Variants in SDHAF3 observed in about 807,000 individuals in gnomAD.
SDHAF3 encodes succinate dehydrogenase complex assembly factor 3.
SDHAF3 carries 18 observed loss-of-function variants against 11.5 expected under a neutral mutation model. The observed-to-expected ratio is 1.56, with a 90% CI of 1.08 to 2.32. SDHAF3 has a LOEUF of 2.32. Ranked by LOEUF, SDHAF3 falls within the 30% of genes most tolerant of loss-of-function variation. The pLI, the probability that SDHAF3 is intolerant of heterozygous loss-of-function variation, is 0.00. For missense variants in SDHAF3, 200 were observed against 154.4 expected (o/e 1.30, Z -1.57); for synonymous variants, 72 against 59.3 (o/e 1.21, Z -0.99).
In SDHAF3 at chr7:97,181,313, T is replaced by G; in HGVS notation, c.*98T>G. The G allele has an allele frequency of 1.2e-6, 1 of 831,358 alleles. No homozygotes were observed. Among genetic ancestry groups the G allele is most frequent in the Non-Finnish European group, 1.9e-6 (1 of 540,136 alleles). The allele number at this position is 831,358 out of a possible 1,614,324, so 51.5% of individuals were successfully genotyped here. A position where few individuals can be genotyped will look rare whatever the true frequency, so the allele number is the denominator to read the frequency against. On this transcript the variant is annotated 3_prime_UTR_variant, in exon 2 of 2. Transcript: ENST00000432641. Reference sequence around the variant, plus strand: ...TATATTTAAGCTTTGAAAACACCTGTTATTAATGAAATACTCTTTTATTTT... The same window carrying G: ...TATATTTAAGCTTTGAAAACACCTGGTATTAATGAAATACTCTTTTATTTT...
At chr7:97,179,819 ATAAG>A (rs1789743216) in intron 1 of SDHAF3, among the ~76,000 whole-genome samples, 1 of 152,128 alleles carries the variant, frequency 6.6e-6, no homozygotes, top group South Asian at 2.1e-4. Context: ...TTTCATCTTA[ATAAG>A]TGGATTTCTG....
At chr7:97,147,938 A>G (rs1215129707) in intron 1 of SDHAF3, among the ~76,000 whole-genome samples, 1 of 152,100 alleles carries the variant, frequency 6.6e-6, no homozygotes, top group African/African-American at 2.4e-5. Flanking sequence ...TTTTTGAGAC[A>G]GAGTCTTGCC....
At chr7:97,140,297 C>G (rs1464709267) in intron 1 of SDHAF3, among the ~76,000 whole-genome samples, 2 of 147,998 alleles carry the variant, frequency 1.4e-5, no homozygotes, top group Admixed American at 6.7e-5. Flanking sequence ...TAAGAAATCT[C>G]TATGTCTTAA....
At chr7:97,166,754 G>T (rs1229887674) in intron 1 of SDHAF3, among the ~76,000 whole-genome samples, 4 of 150,302 alleles carry the variant, frequency 2.7e-5, no homozygotes, top group South Asian at 2.1e-4. Flanking sequence ...GGCGGGGGGG[G>T]CTTAGAATTT....
intron 1 of SDHAF3, among the ~76,000 whole-genome samples, chr7:97,168,921 T>TG (rs1207249109): frequency 6.6e-6 from 1 of 152,230 alleles, no homozygotes; most frequent in African/African-American, 2.4e-5. Context: ...ATGTAGACTC[T>TG]GGGTAACGTG....
At chr7:97,134,688 C>G (rs1791721759) in intron 1 of SDHAF3, among the ~76,000 whole-genome samples, 1 of 152,176 alleles carries the variant, frequency 6.6e-6, no homozygotes, top group African/African-American at 2.4e-5. Context: ...CTCAGATGAC[C>G]CGTCTGCCTT....
intron 1 of SDHAF3, among the ~76,000 whole-genome samples, chr7:97,162,346 G>T (rs924201853): frequency 6.6e-6 from 1 of 152,072 alleles, no homozygotes; most frequent in Admixed American, 6.5e-5. Context: ...TGGCTTCATT[G>T]ATTTTTTTTG....
chr7:97,127,746 G>A (rs1459503923), intron 1 of SDHAF3, among the ~76,000 whole-genome samples: 1 of 152,102 alleles, frequency 6.6e-6, no homozygotes, highest in Admixed American at 6.6e-5. Context: ...TTTAGTGAAT[G>A]GATTGTATGT....
At chr7:97,126,176 C>T (rs1434363273) in intron 1 of SDHAF3, among the ~76,000 whole-genome samples, 1 of 152,212 alleles carries the variant, frequency 6.6e-6, no homozygotes, top group Non-Finnish European at 1.5e-5. Context: ...CTGGAAGCTT[C>T]GTCCCAGAGG....
At chr7:97,180,612 A>G (rs1789754181) in intron 1 of SDHAF3, among the ~76,000 whole-genome samples, 1 of 152,198 alleles carries the variant, frequency 6.6e-6, no homozygotes, top group Admixed American at 6.5e-5. Context: ...GGTTTAAAAT[A>G]AAAGTTGGGG....
intron 1 of SDHAF3, among the ~76,000 whole-genome samples, chr7:97,171,437 T>G (rs1318534419): frequency 6.6e-6 from 1 of 152,158 alleles, no homozygotes; most frequent in Non-Finnish European, 1.5e-5. Context: ...GAATTTATAA[T>G]TTTTGTAATT....
intron 1 of SDHAF3, among the ~76,000 whole-genome samples, chr7:97,121,240 G>T (rs1335281394): frequency 1.3e-5 from 2 of 152,170 alleles, no homozygotes; most frequent in Non-Finnish European, 2.9e-5. Flanking sequence ...GTTGTTTAAG[G>T]CTTTCTATTT....
chr7:97,125,631 T>G (rs2115622581), intron 1 of SDHAF3, among the ~76,000 whole-genome samples: 1 of 152,362 alleles, frequency 6.6e-6, no homozygotes, highest in African/African-American at 2.4e-5. Flanking sequence ...ATTTGGCTCT[T>G]GATACTTGTG....
chr7:97,149,994 G>A (rs559696082), intron 1 of SDHAF3, among the ~76,000 whole-genome samples: 62 of 152,306 alleles, frequency 4.1e-4, no homozygotes, highest in African/African-American at 1.4e-3. Context: ...CACTGTTCAC[G>A]CATCCTTGCC....
intron 1 of SDHAF3, among the ~76,000 whole-genome samples, chr7:97,126,334 C>T (rs1323584247): frequency 1.3e-5 from 2 of 152,222 alleles, no homozygotes; most frequent in South Asian, 2.1e-4. Context: ...CACCGTCCTG[C>T]GAAAGCCCTC....
At chr7:97,132,624 T>C (rs1049442431) in intron 1 of SDHAF3, among the ~76,000 whole-genome samples, 1 of 152,232 alleles carries the variant, frequency 6.6e-6, no homozygotes, top group African/African-American at 2.4e-5. Context: ...CTGTATTCCA[T>C]TTTAATTTTT....
chr7:97,180,000 C>CT (rs1789746093), intron 1 of SDHAF3, among the ~76,000 whole-genome samples: 1 of 152,176 alleles, frequency 6.6e-6, no homozygotes, highest in Admixed American at 6.5e-5. Context: ...ACTTCATGAA[C>CT]TAAAATACTT....
intron 1 of SDHAF3, among the ~76,000 whole-genome samples, chr7:97,136,917 A>T (rs12534042): frequency 0.011 from 1,622 of 152,302 alleles, 77 homozygotes; most frequent in Admixed American, 0.08. Context: ...AATATAATAT[A>T]AAATGGTAGA....
At chr7:97,151,106 AC>A (rs1300759983) in intron 1 of SDHAF3, among the ~76,000 whole-genome samples, 1 of 152,198 alleles carries the variant, frequency 6.6e-6, no homozygotes, top group African/African-American at 2.4e-5. Flanking sequence ...CTGGAGTAGT[AC>A]ATTTGTTACA....
Sources: allele counts gnomAD v4.1 joint callset (sites outside exome capture counted in the v4.1 genomes callset), GRCh38; gene constraint gnomAD v4.1.1; transcripts MANE v1.5; gene names NCBI Gene and HGNC (gene_info 2026-07-23, HGNC 2026-07-21).